Variants in RIOK3 observed in about 807,000 individuals in gnomAD.
The protein encoded by RIOK3 is serine/threonine-protein kinase RIO3.
A neutral mutation model predicts 63.5 loss-of-function variants in RIOK3; 40 were observed. The observed-to-expected ratio is 0.63, with a 90% confidence interval of 0.49 to 0.82. RIOK3 has a LOEUF of 0.82. Among genes scored for constraint, RIOK3 ranks in the 40% least tolerant of loss-of-function variants. The pLI, the probability that RIOK3 is intolerant of heterozygous loss-of-function variation, is 0.00. For missense variants in RIOK3, 557 were observed against 637.0 expected, an observed-to-expected ratio of 0.87 and a Z score of 1.35; for synonymous variants, 193 against 205.0, an observed-to-expected ratio of 0.94 and a Z score of 0.50.
chr18:23,469,201 C>G (rs1402691709), intron 7 of RIOK3, among the ~76,000 whole-genome samples: 1 of 152,164 alleles, frequency 6.6e-6, no homozygotes, highest in Non-Finnish European at 1.5e-5. Context: ...CAGGGAGTGG[C>G]TATCCCACAC....
At chr18:23,468,481 T>G (rs576280184) in intron 7 of RIOK3, among the ~76,000 whole-genome samples, 4 of 152,064 alleles carry the variant, frequency 2.6e-5, no homozygotes, top group African/African-American at 9.6e-5. Flanking sequence ...TTGTGTGTTT[T>G]TAGTAGAGAT....
chr18:23,455,746 C>T (rs764803093), intron 1 of RIOK3, among the ~76,000 whole-genome samples: 33 of 151,996 alleles, frequency 2.2e-4, no homozygotes, highest in Non-Finnish European at 4.3e-4. Flanking sequence ...TGCAGGCTCC[C>T]ACCTCGGCCT....
chr18:23,459,778 C>A (rs756575791), intron 1 of RIOK3, among the ~76,000 whole-genome samples: 2 of 151,932 alleles, frequency 1.3e-5, no homozygotes, highest in Non-Finnish European at 2.9e-5. Context: ...TCAAGCGATT[C>A]TTCTGCCTCA....
chr18:23,467,694 T>A (rs932988645), intron 7 of RIOK3, 168 bp downstream of exon 7: 2 of 439,972 alleles, frequency 4.5e-6, no homozygotes, highest in Admixed American at 8.3e-5. Context: ...AACACAGTCA[T>A]CCTAATACCA....
At chr18:23,469,321 C>G (rs1349784087) in intron 7 of RIOK3, among the ~76,000 whole-genome samples, 5 of 30,462 alleles carry the variant, frequency 1.6e-4, no homozygotes, top group Non-Finnish European at 2.5e-4. Context: ...CTCTCTCTCT[C>G]TCTCTCTCTC....
chr18:23,470,009 G>T (rs1457693587), intron 7 of RIOK3, among the ~76,000 whole-genome samples: 1 of 152,064 alleles, frequency 6.6e-6, no homozygotes, highest in Non-Finnish European at 1.5e-5. Context: ...ACCTTATATG[G>T]GATAGGAATA....
intron 1 of RIOK3, among the ~76,000 whole-genome samples, chr18:23,453,898 G>A (rs2057321166): frequency 6.6e-6 from 1 of 152,234 alleles, no homozygotes. Flanking sequence ...GGTTTAGGAA[G>A]CTGTTTACTT....
At chr18:23,458,600 CTT>C (rs2057355363) in intron 1 of RIOK3, among the ~76,000 whole-genome samples, 1 of 152,208 alleles carries the variant, frequency 6.6e-6, no homozygotes, top group Non-Finnish European at 1.5e-5. Context: ...TAGGAAATGA[CTT>C]TGGATAGCTA....
At position 23,456,570 on chromosome 18, in the gene RIOK3, A is replaced by G. The variant is rs148262408; in HGVS notation, c.63+3068A>G. ...GAAAAGTGGAAAAAGAAAACAAACA[A>G]AAAAATAGAGTTGAGATCTTACTGT... On this transcript the variant is annotated intron_variant, in intron 1 of 12. Coordinates refer to ENST00000339486, the MANE Select transcript of RIOK3 (RefSeq NM_003831.5). The G allele has an allele frequency of 1.3e-4, 20 of 152,224 alleles. 1 individual carries two copies. In the East Asian group the frequency reaches 3.1e-3, roughly 24 times the overall value. The allele number at this position is 152,224 out of a possible 1,614,324, so 9.4% of individuals were successfully genotyped here. A position where few individuals can be genotyped will look rare whatever the true frequency, so the allele number is the denominator to read the frequency against.
At chr18:23,478,644 T>TATATACC (rs2057510477) in intron 11 of RIOK3, among the ~76,000 whole-genome samples, 1 of 30,076 alleles carries the variant, frequency 3.3e-5, no homozygotes, top group South Asian at 1.2e-3. Context: ...TATATATATA[T>TATATACC]ATATATATAT....
chr18:23,461,587 A>G lies in RIOK3; in HGVS notation c.64-1377A>G, dbSNP rs147192946. ...TACTAAATAGTAAAGGTCTTAATCA[A>G]TAGGCTATAAAATATAATCATTTGC... On this transcript the variant is annotated intron_variant, in intron 1 of 12. Coordinates refer to ENST00000339486, the MANE Select transcript of RIOK3 (RefSeq NM_003831.5). Among the ~76,000 whole-genome samples, 76 of 152,368 alleles carry G rather than the reference A, an allele frequency of 5.0e-4. 1 individual carries two copies. The highest frequency in any genetic ancestry group is 1.8e-3 in the African/African-American group (73 of 41,586).
rs1012182165 is a variant in RIOK3 at position 23,483,059 on chromosome 18, G to C, written c.*1780G>C. 10 of 152,192 alleles carry C rather than the reference G, an allele frequency of 6.6e-5. No individual in the cohort carries two copies. Among genetic ancestry groups the C allele is most frequent in the Admixed American group, 6.5e-4 (10 of 15,282 alleles). The allele number at this position is 152,192 out of a possible 1,614,324, so 9.4% of individuals were successfully genotyped here. On this transcript the variant is annotated 3_prime_UTR_variant, in exon 13 of 13. Transcript: ENST00000339486. The stretch of plus-strand genomic sequence containing the variant: ...TTCTGACATATTCTGACAAAGAGCA[G>C]CAAACCACTGCTGTGTGGCATTCTT...
intron 1 of RIOK3, among the ~76,000 whole-genome samples, chr18:23,456,946 C>T (rs2057344957): frequency 6.6e-6 from 1 of 152,116 alleles, no homozygotes; most frequent in Non-Finnish European, 1.5e-5. Flanking sequence ...TCTAAAAATG[C>T]ATTTATATCT....
rs570874910 is a variant in RIOK3 at position 23,466,633 on chromosome 18, T to C, written c.687+357T>C. On this transcript the variant is annotated intron_variant, in intron 6 of 12. Coordinates refer to ENST00000339486, the MANE Select transcript of RIOK3 (RefSeq NM_003831.5). ...TGAGCCCAAGAAGTTGAGGCTGCAG[T>C]GAACCATGATTGTGCCACTGTACTG... 5.0e-5 allele frequency among the ~76,000 whole-genome samples: 7 copies of C among 140,294 alleles called. No homozygotes were observed. In the South Asian group the frequency reaches 6.6e-4, roughly 13 times the overall value. 92.0% of individuals were successfully genotyped at this position (140,294 alleles called of 152,430 possible).
chr18:23,469,944 C>A (rs1019560307), intron 7 of RIOK3, among the ~76,000 whole-genome samples: 4 of 152,122 alleles, frequency 2.6e-5, no homozygotes, highest in African/African-American at 9.7e-5. Context: ...CAGTAAGAAC[C>A]ATTATGGTCA....
In RIOK3 at chr18:23,473,553, G is replaced by A. The variant is rs769139969; in HGVS notation, c.940G>A (p.Asp314Asn). Residue 314 changes from aspartate to asparagine, a missense_variant, in exon 8 of 13, where the codon GAT becomes AAT. Transcript: ENST00000339486. The stretch of plus-strand genomic sequence containing the variant: ...TATTAAAGATGATTTCAGGTTTAAA[G>A]ATCGCTTCAGTAAACTAAATCCACG... ...KYIKDDFRFKDRFSKLNPRKI... is the reference protein window; with the variant it reads ...KYIKDDFRFKNRFSKLNPRKI... 6.2e-7 allele frequency: 1 copy of A among 1,613,636 alleles called. No individual in the cohort carries two copies. Among genetic ancestry groups the A allele is most frequent in the South Asian group, 1.1e-5 (1 of 91,028 alleles).
At position 23,453,301 on chromosome 18, in the gene RIOK3, C is replaced by CCGCCGCCGT; in HGVS notation, c.-131_-123dup. On this transcript the variant is annotated 5_prime_UTR_variant, in exon 1 of 13. Coordinates refer to ENST00000339486, the MANE Select transcript of RIOK3 (RefSeq NM_003831.5). ...AGGAGAGATCCAGTTCCGGACGCGG[C>CCGCCGCCGT]CGCCGCCGTCGCCGCCATCTGTCAC... 1 of 721,626 alleles carries CCGCCGCCGT rather than the reference C, an allele frequency of 1.4e-6. No individual in the cohort carries two copies. Among genetic ancestry groups the CCGCCGCCGT allele is most frequent in the East Asian group, 2.5e-5 (1 of 39,878 alleles). 44.7% of individuals were successfully genotyped at this position (721,626 alleles called of 1,614,324 possible).
chr18:23,479,797 G>A (rs111230677), intron 12 of RIOK3, among the ~76,000 whole-genome samples: 1,974 of 152,186 alleles, frequency 0.013, 39 homozygotes, highest in African/African-American at 0.045. Flanking sequence ...GGCCGGTCTT[G>A]AACTCCTGGC....
At chr18:23,467,174 T>G (rs2057414777) in intron 6 of RIOK3, among the ~76,000 whole-genome samples, 1 of 151,476 alleles carries the variant, frequency 6.6e-6, no homozygotes, top group Non-Finnish European at 1.5e-5. Context: ...ATTAGCCAGG[T>G]GTGGTGGCGG....
Sources: gnomAD v4.1 joint callset for allele counts (sites outside exome capture counted in the v4.1 genomes callset) on GRCh38, gnomAD v4.1.1 for gene constraint, MANE v1.5 for transcripts, NCBI Gene and HGNC (gene_info 2026-07-23, HGNC 2026-07-21) for gene names.